NRG3: variants seen among roughly 807,000 people sequenced by gnomAD.
NRG3 encodes the protein neuregulin 3.
A neutral mutation model predicts 66.9 loss-of-function variants in NRG3; 31 were observed. The ratio of observed to expected loss-of-function variants is 0.46; its 90% CI spans 0.35 to 0.63. The LOEUF is 0.63. NRG3 is among the 20% of genes least tolerant of loss of function. The pLI, the probability that NRG3 is intolerant of heterozygous loss-of-function variation, is 0.00. For missense variants in NRG3, 910 were observed against 878.9 expected (o/e 1.04, Z -0.45); for synonymous variants, 393 against 359.4 (o/e 1.09, Z -1.06).
intron 8 of NRG3, among the ~76,000 whole-genome samples, chr10:82,982,419 C>G (rs1434639077): frequency 6.6e-6 from 1 of 152,144 alleles, no homozygotes; most frequent in East Asian, 1.9e-4. Flanking sequence ...ATGATAAGCT[C>G]ATGGACCGAA....
Position 82,951,558 on chromosome 10 carries a change from T to C in NRG3, c.1144T>C (p.Tyr382His). 1 of 1,613,356 alleles carries C rather than the reference T, an allele frequency of 6.2e-7. No individual in the cohort carries two copies. Reference sequence around the variant, plus strand: ...CGTGGGCATGTTCTGTGCAGCATTCTACTTCAAAAGCAAGTAAGACTATTT... The same window carrying C: ...CGTGGGCATGTTCTGTGCAGCATTCCACTTCAAAAGCAAGTAAGACTATTT... ...VIVGMFCAAF[Y>H]FKSKKQAKQI... Residue 382 changes from tyrosine (Y) to histidine (H), a missense_variant, in exon 5 of 9, where the codon TAC (tyrosine) becomes CAC (histidine). Physicochemically the swap from Tyr to His is moderately conservative, Grantham distance 83. Coordinates refer to ENST00000372141, the MANE Select transcript of NRG3 (RefSeq NM_001010848.4).
chr10:82,112,930 C>G (rs1056917595), intron 1 of NRG3, among the ~76,000 whole-genome samples: 1 of 152,014 alleles, frequency 6.6e-6, no homozygotes, highest in Non-Finnish European at 1.5e-5. Flanking sequence ...AGGTTGTGCC[C>G]CATGGTTGAT....
intron 1 of NRG3, among the ~76,000 whole-genome samples, chr10:82,147,803 A>T (rs1410815865): frequency 1.3e-5 from 2 of 152,084 alleles, no homozygotes; most frequent in Non-Finnish European, 2.9e-5. Context: ...CTTCCAAATG[A>T]CTCTGTAAGA....
intron 1 of NRG3, among the ~76,000 whole-genome samples, chr10:82,321,762 C>T (rs2081591759): frequency 6.6e-6 from 1 of 152,186 alleles, no homozygotes; most frequent in Admixed American, 6.5e-5. Flanking sequence ...CATTTTGAAC[C>T]AAAGTGGCTT....
chr10:81,924,430 G>A (rs1846568742), intron 1 of NRG3, among the ~76,000 whole-genome samples: 1 of 152,160 alleles, frequency 6.6e-6, no homozygotes, highest in African/African-American at 2.4e-5. Flanking sequence ...TGCTAGACTG[G>A]GCTTTTCCTC....
chr10:82,241,441 T>A (rs1183545531), intron 1 of NRG3, among the ~76,000 whole-genome samples: 1 of 152,124 alleles, frequency 6.6e-6, no homozygotes, highest in African/African-American at 2.4e-5. Flanking sequence ...TTTATTTTTT[T>A]AATTTTTCCT....
intron 1 of NRG3, among the ~76,000 whole-genome samples, chr10:82,076,828 C>T (rs2065118927): frequency 6.6e-6 from 1 of 152,194 alleles, no homozygotes; most frequent in Admixed American, 6.5e-5. Flanking sequence ...TCAAGCAAAC[C>T]TCTTTTCTTA....
chr10:82,930,685 A>G (rs374776855), intron 4 of NRG3, among the ~76,000 whole-genome samples: 6 of 152,324 alleles, frequency 3.9e-5, no homozygotes, highest in Admixed American at 2.0e-4. Flanking sequence ...GGAACAAAAC[A>G]GTCAGCAAAA....
At chr10:82,094,362 G>A (rs954574312) in intron 1 of NRG3, among the ~76,000 whole-genome samples, 8 of 152,128 alleles carry the variant, frequency 5.3e-5, no homozygotes, top group South Asian at 2.1e-4. Flanking sequence ...ATGAGCATGC[G>A]CAAAATAGGA....
At chr10:82,846,658 C>T (rs2063322462) in intron 3 of NRG3, among the ~76,000 whole-genome samples, 1 of 151,980 alleles carries the variant, frequency 6.6e-6, no homozygotes, top group South Asian at 2.1e-4. Flanking sequence ...TGTGTGTGTA[C>T]AATATGAAGA....
At position 82,198,801 on chromosome 10, in the gene NRG3, A is replaced by G. The variant is rs565579784; in HGVS notation, c.824-159938A>G. Among the ~76,000 whole-genome samples the G allele has an allele frequency of 2.8e-3, 428 of 152,126 alleles. 1 individual carries two copies. Among genetic ancestry groups the G allele is most frequent in the Non-Finnish European group, 4.6e-3 (313 of 68,030 alleles). On this transcript the variant is annotated intron_variant, in intron 1 of 8. Coordinates refer to ENST00000372141, the MANE Select transcript of NRG3 (RefSeq NM_001010848.4). ...ATCATGAGGTCAGAAGTTCGAGACC[A>G]GCCTGACCAACATGGTGAAACCCCG...
chr10:82,040,526 C>A (rs886638982), intron 1 of NRG3, among the ~76,000 whole-genome samples: 4 of 151,940 alleles, frequency 2.6e-5, no homozygotes, highest in Non-Finnish European at 5.9e-5. Context: ...AACTTGTTGG[C>A]AAACTGTATA....
Position 82,021,786 on chromosome 10 carries a change from ATGTGTGTGTG to A in NRG3, c.823+145663_823+145672del, listed in dbSNP as rs71950373. Among the ~76,000 whole-genome samples the A allele has an allele frequency of 1.4e-3, 83 of 61,106 alleles. 1 individual carries two copies. Among genetic ancestry groups the A allele is most frequent in the African/African-American group, 1.9e-3 (39 of 20,494 alleles). The allele number at this position is 61,106 out of a possible 152,430, so 40.1% of individuals were successfully genotyped here. On this transcript the variant is annotated intron_variant, in intron 1 of 8. Coordinates refer to ENST00000372141, the MANE Select transcript of NRG3 (RefSeq NM_001010848.4). The stretch of plus-strand genomic sequence containing the variant: ...TCTAATAAGCTTTTGGGCATGTAGT[ATGTGTGTGTG>A]TGTGTGTGTGTGTGTGTGTGTGTGT...
intron 2 of NRG3, among the ~76,000 whole-genome samples, chr10:82,649,099 A>G (rs1001043739): frequency 3.4e-4 from 52 of 152,206 alleles, no homozygotes; most frequent in Non-Finnish European, 5.1e-4. Context: ...CTCCTATTCA[A>G]CATAGTGTTG....
At chr10:82,976,199 G>A (rs1852235464) in intron 7 of NRG3, among the ~76,000 whole-genome samples, 1 of 152,032 alleles carries the variant, frequency 6.6e-6, no homozygotes, top group Non-Finnish European at 1.5e-5. Context: ...GGGACTACAG[G>A]CACATGCTAC....
At chr10:81,929,554 G>C (rs2132968052) in intron 1 of NRG3, among the ~76,000 whole-genome samples, 1 of 152,168 alleles carries the variant, frequency 6.6e-6, no homozygotes, top group Non-Finnish European at 1.5e-5. Context: ...TTTTCTTTTA[G>C]GTGATAACCA....
In NRG3 at chr10:82,936,913, A is replaced by G. The variant is rs1408694621; in HGVS notation, c.1055-14556A>G. ...TTGGATTTCCATCTGTAGTTTACAT[A>G]TATCCTTAAGATAAATCTTTGAAAA... On this transcript the variant is annotated intron_variant, in intron 4 of 8. Coordinates refer to ENST00000372141, the MANE Select transcript of NRG3 (RefSeq NM_001010848.4). Among the ~76,000 whole-genome samples the G allele has an allele frequency of 2.6e-5, 4 of 152,282 alleles. No individual in the cohort carries two copies. In the East Asian group the frequency reaches 7.7e-4, roughly 29 times the overall value.
At chr10:82,282,937 C>T (rs578119421) in intron 1 of NRG3, among the ~76,000 whole-genome samples, 29 of 152,164 alleles carry the variant, frequency 1.9e-4, no homozygotes, top group Admixed American at 2.6e-4. Context: ...ATCCTGGCCC[C>T]GGTGTTTACT....
intron 4 of NRG3, among the ~76,000 whole-genome samples, chr10:82,938,632 A>C (rs1246931399): frequency 1.3e-5 from 2 of 152,202 alleles, no homozygotes; most frequent in Non-Finnish European, 2.9e-5. Flanking sequence ...TGTCTGAGAG[A>C]AGTGAAGCCC....
Sources: allele counts gnomAD v4.1 joint callset (sites outside exome capture counted in the v4.1 genomes callset), GRCh38; gene constraint gnomAD v4.1.1; transcripts MANE v1.5; gene names NCBI Gene and HGNC (gene_info 2026-07-23, HGNC 2026-07-21).